Variants in FOCAD observed in about 807,000 individuals in gnomAD.
FOCAD encodes the protein focadhesin, also known as KIAA1797.
Under a neutral mutation model 225.6 loss-of-function variants are expected in FOCAD, and 198 were observed. That is an observed-to-expected ratio of 0.88 (90% CI 0.78 to 0.99). FOCAD has a LOEUF of 0.99. Among genes scored for constraint, FOCAD ranks in the 50% least tolerant of loss-of-function variants. The probability of loss-of-function intolerance (pLI) is 0.00; values close to 1 mark genes in which losing one functional copy is unlikely to be tolerated. For missense variants in FOCAD, 2,713 were observed against 2,123.6 expected (o/e 1.28, Z -5.46); for synonymous variants, 897 against 755.0 (o/e 1.19, Z -3.08).
intron 29 of FOCAD, among the ~76,000 whole-genome samples, chr9:20,945,686 C>A (rs1461331130): frequency 6.6e-6 from 1 of 151,850 alleles, no homozygotes; most frequent in East Asian, 1.9e-4. Context: ...AACCTAGGAG[C>A]AAATTAATTA....
intron 4 of FOCAD, among the ~76,000 whole-genome samples, chr9:20,733,544 C>T (rs1435408084): frequency 6.6e-6 from 1 of 152,076 alleles, no homozygotes; most frequent in Admixed American, 6.6e-5. Flanking sequence ...TTGTGATGTT[C>T]CCCTTCCTGT....
chr9:20,690,099 C>A (rs1822886221), intron 1 of FOCAD, among the ~76,000 whole-genome samples: 1 of 152,128 alleles, frequency 6.6e-6, no homozygotes, highest in Non-Finnish European at 1.5e-5. Flanking sequence ...ATAGGAAATG[C>A]CTTAATGTGA....
At chr9:20,960,684 A>G (rs1256972499) in intron 35 of FOCAD, among the ~76,000 whole-genome samples, 1 of 151,834 alleles carries the variant, frequency 6.6e-6, no homozygotes, top group Non-Finnish European at 1.5e-5. Context: ...TGCTGCACCC[A>G]TTAACTCGTC....
At chr9:20,662,052 T>C (rs948160567) in intron 2 of FOCAD, among the ~76,000 whole-genome samples, 1 of 152,236 alleles carries the variant, frequency 6.6e-6, no homozygotes, top group Non-Finnish European at 1.5e-5. Flanking sequence ...ATGTATGATA[T>C]TTGCCTTAGT....
intron 11 of FOCAD, among the ~76,000 whole-genome samples, chr9:20,815,123 G>GTTTTTTTTTTTTTTTTTTTTTTTTTTTTT (rs71334554): frequency 1.2e-5 from 1 of 85,396 alleles, no homozygotes; most frequent in African/African-American, 4.7e-5. Context: ...ACTTCTCTTT[G>GTTTTTTTTTTTTTTTTTTTTTTTTTTTTT]TTTTTTTTTT....
chr9:20,956,987 C>T (rs1838202843), intron 35 of FOCAD, among the ~76,000 whole-genome samples: 1 of 152,144 alleles, frequency 6.6e-6, no homozygotes, highest in Non-Finnish European at 1.5e-5. Flanking sequence ...AGCCACCGTG[C>T]CTGGCCTGTA....
At position 20,949,534 on chromosome 9, in the gene FOCAD, G is replaced by A. The variant is rs1837493101; in HGVS notation, c.3877-70G>A. 4.4e-6 allele frequency: 4 copies of A among 917,954 alleles called. No individual in the cohort carries two copies. In the Admixed American group the frequency reaches 8.2e-5, roughly 19 times the overall value. 56.9% of individuals were successfully genotyped at this position (917,954 alleles called of 1,614,324 possible). ...ATAACTTAGAAGATGGATAGCTCAT[G>A]CACCGGGAATATAACTCTTAACTTT... is the stretch of plus-strand genomic sequence containing the variant. On this transcript the variant is annotated intron_variant, in intron 32 of 43. Transcript: ENST00000338382.
At chr9:20,943,226 G>A (rs1200500095) in intron 28 of FOCAD, among the ~76,000 whole-genome samples, 3 of 152,180 alleles carry the variant, frequency 2.0e-5, no homozygotes, top group Non-Finnish European at 4.4e-5. Flanking sequence ...AAAATGCATT[G>A]AGCTTGTTAA....
intron 35 of FOCAD, among the ~76,000 whole-genome samples, chr9:20,968,133 C>CTTGTT (rs1839429963): frequency 6.6e-6 from 1 of 152,042 alleles, no homozygotes; most frequent in African/African-American, 2.4e-5. Context: ...AATCTCTTTA[C>CTTGTT]TTGTTATAGG....
chr9:20,761,251 GA>G, intron 6 of FOCAD, among the ~76,000 whole-genome samples: 1 of 152,196 alleles, frequency 6.6e-6, no homozygotes, highest in Admixed American at 6.5e-5. Context: ...CTGAGAATTT[GA>G]GAATGGTGCA....
Position 20,677,505 on chromosome 9 carries a change from G to C in FOCAD, c.-77-17015G>C, listed in dbSNP as rs181585150. Among the ~76,000 whole-genome samples the C allele has an allele frequency of 8.9e-4, 136 of 152,148 alleles. 1 individual carries two copies. Among genetic ancestry groups the C allele is most frequent in the African/African-American group, 3.1e-3 (128 of 41,534 alleles). ...TAATATAGAAAATACAAAGAATTCA[G>C]CTTAATAGCAAAAAAACCAAATAAC... On this transcript the variant is annotated intron_variant, in intron 2 of 45. Transcript: ENST00000380249.
At chr9:20,984,821 G>C (rs1841006313) in intron 39 of FOCAD, among the ~76,000 whole-genome samples, 1 of 152,054 alleles carries the variant, frequency 6.6e-6, no homozygotes, top group Non-Finnish European at 1.5e-5. Flanking sequence ...ATATTTTTTA[G>C]ACTGAGTCTC....
intron 15 of FOCAD, among the ~76,000 whole-genome samples, chr9:20,860,253 G>C (rs1018820194): frequency 1.3e-5 from 2 of 151,998 alleles, no homozygotes; most frequent in African/African-American, 2.4e-5. Context: ...TCCTTTTTCT[G>C]TTCCAGGATC....
At chr9:20,696,570 G>A (rs981294251) in intron 1 of FOCAD, among the ~76,000 whole-genome samples, 8 of 152,300 alleles carry the variant, frequency 5.3e-5, no homozygotes, top group African/African-American at 1.9e-4. Context: ...TTGGGAGGCC[G>A]AGACAGGTGG....
intron 11 of FOCAD, among the ~76,000 whole-genome samples, chr9:20,816,817 A>G (rs976929928): frequency 6.6e-6 from 1 of 152,178 alleles, no homozygotes; most frequent in African/African-American, 2.4e-5. Flanking sequence ...ATTTAGCAAT[A>G]AAGATAATAT....
chr9:20,902,588 G>T (rs1462416333), intron 21 of FOCAD, among the ~76,000 whole-genome samples: 1 of 151,800 alleles, frequency 6.6e-6, no homozygotes, highest in African/African-American at 2.4e-5. Flanking sequence ...TAACAGTAAG[G>T]GTAGCACCAT....
Position 20,907,259 on chromosome 9 carries a change from A to T in FOCAD, c.2718+17A>T, listed in dbSNP as rs1833058405. The T allele has an allele frequency of 6.2e-7, 1 of 1,605,190 alleles. No homozygotes were observed. Among genetic ancestry groups the T allele is most frequent in the Non-Finnish European group, 8.5e-7 (1 of 1,172,520 alleles). ...ATTTTACAGGTAATGAAACCACAGG[A>T]TAGGTTTGCTTTGGCGAAATGTCTC... On this transcript the variant is annotated intron_variant, in intron 22 of 43. Transcript: ENST00000338382.
chr9:20,972,639 T>C (rs1278300010), intron 35 of FOCAD, among the ~76,000 whole-genome samples: 1 of 152,202 alleles, frequency 6.6e-6, no homozygotes, highest in Non-Finnish European at 1.5e-5. Flanking sequence ...CTGCTGTTTT[T>C]CATTTTTCTT....
intron 5 of FOCAD, among the ~76,000 whole-genome samples, chr9:20,744,308 G>C (rs1423194853): frequency 6.6e-6 from 1 of 152,164 alleles, no homozygotes; most frequent in East Asian, 1.9e-4. Flanking sequence ...GATTTGAATG[G>C]AAGTGGTTTA....
Sources: allele counts gnomAD v4.1 joint callset (sites outside exome capture counted in the v4.1 genomes callset), GRCh38; gene constraint gnomAD v4.1.1; transcripts MANE v1.5; gene names NCBI Gene and HGNC (gene_info 2026-07-23, HGNC 2026-07-21).